MME: variants seen among roughly 807,000 people sequenced by gnomAD.
The protein encoded by MME is membrane metalloendopeptidase.
MME carries 98 observed loss-of-function variants against 113.2 expected under a neutral mutation model. That is an observed-to-expected ratio of 0.87 (90% confidence interval 0.74 to 1.02). MME has a LOEUF of 1.02. MME is among the 50% of genes least tolerant of loss of function. MME has a pLI of 0.00. For synonymous variants in MME, 292 were observed against 300.6 expected (o/e 0.97, Z 0.30); for missense variants, 836 against 896.0 (o/e 0.93, Z 0.86).
At chr3:155,050,314 T>A (rs1016309301) in intron 1 of MME, among the ~76,000 whole-genome samples, 1 of 152,220 alleles carries the variant, frequency 6.6e-6, no homozygotes, top group Non-Finnish European at 1.5e-5. Context: ...TGTGTCTTTA[T>A]GATAGAATAA....
intron 3 of MME, among the ~76,000 whole-genome samples, chr3:155,096,203 AT>A (rs1716726012): frequency 6.6e-6 from 1 of 152,358 alleles, no homozygotes; most frequent in African/African-American, 2.4e-5. Context: ...TCTACAGAAA[AT>A]GAATAAAATT....
chr3:155,138,044 G>A (rs538371281), intron 8 of MME, 58 bp from the exon 9 acceptor site: 62 of 1,580,576 alleles, frequency 3.9e-5, no homozygotes, highest in Middle Eastern at 1.7e-4. Flanking sequence ...TAAATTTTAA[G>A]TACCATGATG....
intron 16 of MME, among the ~76,000 whole-genome samples, chr3:155,153,816 A>G (rs189876974): frequency 6.6e-6 from 1 of 152,320 alleles, no homozygotes; most frequent in East Asian, 1.9e-4. Flanking sequence ...TTGAGCAGCT[A>G]GCTTGTGCAG....
intron 1 of MME, among the ~76,000 whole-genome samples, chr3:155,037,168 G>A (rs1412296344): frequency 6.6e-6 from 1 of 152,136 alleles, no homozygotes; most frequent in Non-Finnish European, 1.5e-5. Flanking sequence ...AAGTGGCAAT[G>A]ACTTATTGTT....
At chr3:155,107,057 A>G (rs1278918831) in intron 3 of MME, among the ~76,000 whole-genome samples, 1 of 152,230 alleles carries the variant, frequency 6.6e-6, no homozygotes, top group Non-Finnish European at 1.5e-5. Flanking sequence ...GTGCAGATTA[A>G]GAATAGTCAA....
intron 3 of MME, chr3:155,112,415 C>G (rs1377338486): frequency 6.6e-6 from 1 of 152,130 alleles, no homozygotes; most frequent in Non-Finnish European, 1.5e-5. Context: ...ACTGAATATA[C>G]TCATTTAACT....
intron 8 of MME, among the ~76,000 whole-genome samples, chr3:155,124,500 T>C (rs1157227654): frequency 9.9e-5 from 15 of 152,174 alleles, no homozygotes; most frequent in Non-Finnish European, 1.0e-4. Flanking sequence ...ACGCTCTGCG[T>C]TTTAGAGTTT....
Position 155,143,534 on chromosome 3 carries a change from A to C in MME, c.1280A>C (p.Tyr427Ser). The C allele has an allele frequency of 6.2e-7, 1 of 1,612,666 alleles. No individual in the cohort carries two copies. The highest frequency in any genetic ancestry group is 8.5e-7 in the Non-Finnish European group (1 of 1,178,894). The change falls in exon 13 of 23, where the codon TAT becomes TCT. Residue 427 changes from tyrosine to serine, a missense_variant. Coordinates refer to ENST00000360490, the MANE Select transcript of MME (RefSeq NM_007289.4). ...GNMENAVGRL[Y>S]VEAAFAGESK... ...ATGGAAAATGCTGTGGGGAGGCTTT[A>C]TGTGGAAGCAGCATTTGCTGGAGAG...
At chr3:155,033,289 G>A (rs1471647961) in intron 1 of MME, among the ~76,000 whole-genome samples, 4 of 152,106 alleles carry the variant, frequency 2.6e-5, no homozygotes, top group African/African-American at 9.7e-5. Context: ...ATAATAAACT[G>A]CTGTGAACAT....
chr3:155,050,495 A>T (rs1713724439), intron 1 of MME, among the ~76,000 whole-genome samples: 1 of 151,974 alleles, frequency 6.6e-6, no homozygotes, highest in African/African-American at 2.4e-5. Context: ...CCAGTATGTT[A>T]TTTTTTGACT....
At chr3:155,124,874 T>G (rs1719475250) in intron 8 of MME, among the ~76,000 whole-genome samples, 1 of 152,172 alleles carries the variant, frequency 6.6e-6, no homozygotes, top group African/African-American at 2.4e-5. Context: ...GTCTTTTTGT[T>G]TGTCTGTGCC....
intron 1 of MME, among the ~76,000 whole-genome samples, chr3:155,055,257 T>C (rs1294461457): frequency 2.0e-5 from 3 of 152,158 alleles, no homozygotes; most frequent in South Asian, 2.1e-4. Flanking sequence ...CACAACAATA[T>C]GCTAAATCTC....
intron 2 of MME, 119 bp downstream of exon 2, chr3:155,084,446 G>C: frequency 2.0e-6 from 2 of 990,474 alleles, no homozygotes; most frequent in Non-Finnish European, 1.6e-6. Context: ...GACTGACAAA[G>C]AGATTCATTT....
Position 155,055,754 on chromosome 3 carries a change from G to A in MME, c.-10-28404G>A, listed in dbSNP as rs151029943. Among the ~76,000 whole-genome samples the A allele has an allele frequency of 1.8e-3, 279 of 152,282 alleles. 1 individual carries two copies. Among genetic ancestry groups the A allele is most frequent in the African/African-American group, 6.5e-3 (272 of 41,556 alleles). On this transcript the variant is annotated intron_variant, in intron 1 of 22. Transcript: ENST00000492661. ...CAAAGAGGTCCCTGAGGCACTAGCC[G>A]TGTTCTGTTACCTGAAGTGATTGCC...
At chr3:155,149,524 T>G (rs1397751014) in intron 16 of MME, among the ~76,000 whole-genome samples, 1 of 152,164 alleles carries the variant, frequency 6.6e-6, no homozygotes, top group Non-Finnish European at 1.5e-5. Flanking sequence ...TATCCTTTCA[T>G]GCATTTATTA....
intron 17 of MME, among the ~76,000 whole-genome samples, chr3:155,163,038 A>G (rs969435466): frequency 2.6e-5 from 4 of 151,618 alleles, no homozygotes; most frequent in African/African-American, 9.7e-5. Flanking sequence ...AAAAGAAAGA[A>G]AAAGAAATGT....
chr3:155,079,229 G>A (rs1485695926), upstream of MME, among the ~76,000 whole-genome samples: 1 of 152,006 alleles, frequency 6.6e-6, no homozygotes, highest in Non-Finnish European at 1.5e-5. Flanking sequence ...GGGAGGGAGA[G>A]AGGACATTTA....
chr3:155,043,350 A>G (rs1445127068), intron 1 of MME, among the ~76,000 whole-genome samples: 1 of 141,764 alleles, frequency 7.1e-6, no homozygotes, highest in East Asian at 2.0e-4. Context: ...TTTTTTTTTG[A>G]GACGGAGTTT....
At chr3:155,143,934 T>G (rs1003151081) in intron 13 of MME, among the ~76,000 whole-genome samples, 3 of 152,174 alleles carry the variant, frequency 2.0e-5, no homozygotes, top group Admixed American at 2.0e-4. Context: ...CAGGATTTAT[T>G]TGGAGTATAA....
Sources: gnomAD v4.1 joint callset for allele counts (sites outside exome capture counted in the v4.1 genomes callset) on GRCh38, gnomAD v4.1.1 for gene constraint, MANE v1.5 for transcripts, NCBI Gene and HGNC (gene_info 2026-07-23, HGNC 2026-07-21) for gene names.